VWA8: variants seen among roughly 807,000 people sequenced by gnomAD.
The protein encoded by VWA8 is von Willebrand factor A domain containing 8.
A neutral mutation model predicts 241.5 loss-of-function variants in VWA8; 221 were observed. The observed-to-expected ratio is 0.91, with a 90% CI of 0.82 to 1.02. The LOEUF (loss-of-function observed/expected upper bound fraction) is 1.02, where lower values mean the gene tolerates loss of function less well. Ranked by LOEUF, VWA8 falls within the 50% of genes least tolerant of loss-of-function variation. VWA8 has a pLI of 0.00. For synonymous variants in VWA8, 852 were observed against 827.1 expected (o/e 1.03, Z -0.52); for missense variants, 2,322 against 2,328.7 (o/e 1.00, Z 0.06).
intron 37 of VWA8, among the ~76,000 whole-genome samples, chr13:41,626,118 A>G (rs1176145173): frequency 6.7e-6 from 1 of 149,640 alleles, no homozygotes; most frequent in Non-Finnish European, 1.5e-5. Context: ...GCATTAGGAG[A>G]TATACCTAAT....
At chr13:41,955,401 T>C (rs1878309479) in intron 1 of VWA8, among the ~76,000 whole-genome samples, 1 of 152,194 alleles carries the variant, frequency 6.6e-6, no homozygotes, top group East Asian at 1.9e-4. Flanking sequence ...CTACAGTCTT[T>C]ATTATTATCC....
intron 9 of VWA8, among the ~76,000 whole-genome samples, chr13:41,882,760 T>C (rs1220729609): frequency 7.0e-6 from 1 of 143,738 alleles, no homozygotes; most frequent in Non-Finnish European, 1.5e-5. Context: ...AGCAGTACAG[T>C]CCAGCTTCGG....
Position 41,721,401 on chromosome 13 carries a change from C to G in VWA8, c.2933G>C (p.Arg978Thr). Residue 978 changes from arginine to threonine, a missense_variant, in exon 25 of 45, where the codon AGA becomes ACA. Physicochemically the swap from Arg to Thr is moderately conservative, Grantham distance 71. Coordinates refer to ENST00000379310, the MANE Select transcript of VWA8 (RefSeq NM_015058.2). ...QGIINYPYSTREVVNIVKHLQ... is the reference protein window; with the variant it reads ...QGIINYPYSTTEVVNIVKHLQ... ...ATGTTTGACTATGTTGACAACTTCTCTGGTAGAATAAGGATAGTTAATAAT... is the reference window on the plus strand; with the variant it reads ...ATGTTTGACTATGTTGACAACTTCTGTGGTAGAATAAGGATAGTTAATAAT... The G allele has an allele frequency of 6.2e-7, 1 of 1,613,774 alleles. No individual in the cohort carries two copies. Among genetic ancestry groups the G allele is most frequent in the Non-Finnish European group, 8.5e-7 (1 of 1,179,786 alleles).
At chr13:41,761,068 C>A in intron 21 of VWA8, 60 bp downstream of exon 21, 12 of 1,530,740 alleles carry the variant, frequency 7.8e-6, no homozygotes, top group East Asian at 2.3e-5. Flanking sequence ...TAAATTGTAC[C>A]AGGAGGGAAA....
chr13:41,895,291 T>C (rs1013633056), intron 4 of VWA8, among the ~76,000 whole-genome samples: 3 of 152,044 alleles, frequency 2.0e-5, no homozygotes, highest in Admixed American at 6.5e-5. Context: ...AATTTGAAAA[T>C]TGCATGGCTA....
At chr13:41,882,824 A>AGGGAGAGGGAGAGGGAGAGGGAGAACGTG (rs1472773286) in intron 9 of VWA8, among the ~76,000 whole-genome samples, 1 of 151,292 alleles carries the variant, frequency 6.6e-6, no homozygotes. Flanking sequence ...CCGTGGGGAG[A>AGGGAGAGGGAGAGGGAGAGGGAGAACGTG]GGGAGAGGGA....
intron 20 of VWA8, among the ~76,000 whole-genome samples, chr13:41,770,303 C>T (rs905709288): frequency 2.6e-5 from 4 of 151,728 alleles, no homozygotes; most frequent in East Asian, 1.9e-4. Flanking sequence ...TAGCCAGGCG[C>T]GGTGGCGGGC....
chr13:41,689,547 A>G (rs1322282338), intron 33 of VWA8, 39 bp from the exon 34 acceptor site: 1 of 1,480,504 alleles, frequency 6.8e-7, no homozygotes, highest in Non-Finnish European at 9.0e-7. Context: ...TGCTCCTGAA[A>G]TGCTCCAGGA....
At chr13:41,627,094 T>C (rs899164854) in intron 37 of VWA8, among the ~76,000 whole-genome samples, 2 of 151,752 alleles carry the variant, frequency 1.3e-5, no homozygotes, top group African/African-American at 4.8e-5. Context: ...AAACAACCCA[T>C]TAAAAAATGG....
chr13:41,671,126 A>G lies in VWA8; in HGVS notation c.4431T>C (p.Tyr1477=), dbSNP rs2045020188. Residue 1477 remains tyrosine, a synonymous_variant, in exon 37 of 45, where the codon TAT becomes TAC. Transcript: ENST00000379310. ...CTGAAATGGTCGACAGCCATGTGGT[A>G]TACGGCGAGAGAGATTCTGATCTGG... ...PIPRSESLSP[Y]TTWLSTISDT... 1 of 1,613,844 alleles carries G rather than the reference A, an allele frequency of 6.2e-7. No homozygotes were observed. The highest frequency in any genetic ancestry group is 1.1e-5 in the South Asian group (1 of 91,074).
At chr13:41,634,632 A>G (rs770393248) in intron 37 of VWA8, among the ~76,000 whole-genome samples, 1 of 152,022 alleles carries the variant, frequency 6.6e-6, no homozygotes, top group Non-Finnish European at 1.5e-5. Context: ...TCAGCCTAGC[A>G]TGGCCTATAA....
chr13:41,766,934 A>G (rs753660197), intron 20 of VWA8, among the ~76,000 whole-genome samples: 1 of 152,158 alleles, frequency 6.6e-6, no homozygotes, highest in East Asian at 1.9e-4. Flanking sequence ...AGCTCCCTGC[A>G]TGTTATCTAA....
chr13:41,931,026 G>A (rs1313844239), intron 2 of VWA8, among the ~76,000 whole-genome samples: 2 of 151,874 alleles, frequency 1.3e-5, no homozygotes, highest in Non-Finnish European at 2.9e-5. Context: ...GCGCACGCCT[G>A]TAGTCCCAGC....
At chr13:41,630,284 C>T (rs1340969390) in intron 37 of VWA8, among the ~76,000 whole-genome samples, 2 of 150,706 alleles carry the variant, frequency 1.3e-5, no homozygotes, top group East Asian at 1.9e-4. Flanking sequence ...ACCATCAGCC[C>T]CTCCTTGTTG....
At chr13:41,675,144 C>T in intron 36 of VWA8, 71 bp downstream of exon 36, 1 of 1,114,710 alleles carries the variant, frequency 9.0e-7, no homozygotes, top group South Asian at 1.4e-5. Context: ...CTCATTTATT[C>T]AGAGTACTTA....
intron 2 of VWA8, among the ~76,000 whole-genome samples, chr13:41,937,032 T>TA (rs1468167064): frequency 2.0e-5 from 3 of 152,186 alleles, no homozygotes; most frequent in African/African-American, 7.2e-5. Context: ...CACAAACACT[T>TA]ACCATTGTGT....
At position 41,784,711 on chromosome 13, in the gene VWA8, T is replaced by C. The variant is rs1316048543; in HGVS notation, c.2171-810A>G. ...ATATACATATACATATATATATATA[T>C]ATATATATATATATATATACACACA... On this transcript the variant is annotated intron_variant, in intron 18 of 44. Transcript: ENST00000379310. Among the ~76,000 whole-genome samples, 389 of 70,402 alleles carry C rather than the reference T, an allele frequency of 5.5e-3. 5 individuals are homozygous for C. The highest frequency in any genetic ancestry group is 0.013 in the African/African-American group (305 of 22,852). 46.2% of individuals were successfully genotyped at this position (70,402 alleles called of 152,430 possible).
chr13:41,644,278 A>G (rs1303485186), intron 37 of VWA8, among the ~76,000 whole-genome samples: 1 of 138,256 alleles, frequency 7.2e-6, no homozygotes, highest in Non-Finnish European at 1.6e-5. Context: ...ACCCCCGCCA[A>G]AAAAAAAAAC....
intron 15 of VWA8, among the ~76,000 whole-genome samples, chr13:41,818,681 T>C (rs1267981966): frequency 2.6e-5 from 4 of 152,180 alleles, no homozygotes; most frequent in African/African-American, 7.2e-5. Context: ...ATTAAAACAA[T>C]GGATCACACA....
Sources: gnomAD v4.1 joint callset for allele counts (sites outside exome capture counted in the v4.1 genomes callset) on GRCh38, gnomAD v4.1.1 for gene constraint, MANE v1.5 for transcripts, NCBI Gene and HGNC (gene_info 2026-07-23, HGNC 2026-07-21) for gene names.